PCLO: variants seen among roughly 807,000 people sequenced by gnomAD.
PCLO encodes protein piccolo.
PCLO carries 82 observed loss-of-function variants against 427.5 expected under a neutral mutation model. The observed-to-expected ratio is 0.19, with a 90% CI of 0.16 to 0.23. The LOEUF (loss-of-function observed/expected upper bound fraction) is 0.23, where lower values mean the gene tolerates loss of function less well. Among genes scored for constraint, PCLO ranks in the 10% least tolerant of loss-of-function variants. PCLO has a pLI of 1.00. For synonymous variants in PCLO, 2,357 were observed against 2,155.4 expected (o/e 1.09, Z -2.59); for missense variants, 6,239 against 6,115.9 (o/e 1.02, Z -0.67).
chr7:83,033,327 A>G (rs1021378805), intron 3 of PCLO, among the ~76,000 whole-genome samples: 3 of 152,324 alleles, frequency 2.0e-5, no homozygotes, highest in South Asian at 4.1e-4. Flanking sequence ...TTATCTAAAA[A>G]TGATAGTTAT....
chr7:83,085,124 T>A (rs1790198289), intron 3 of PCLO, among the ~76,000 whole-genome samples: 1 of 152,122 alleles, frequency 6.6e-6, no homozygotes, highest in African/African-American at 2.4e-5. Flanking sequence ...GCACAATTCA[T>A]GCATTACCCA....
At chr7:83,124,348 C>T (rs1234325466) in intron 3 of PCLO, among the ~76,000 whole-genome samples, 4 of 138,798 alleles carry the variant, frequency 2.9e-5, no homozygotes, top group African/African-American at 8.3e-5. Flanking sequence ...AGCGAGACTC[C>T]GTCTCAAAAA....
At chr7:83,051,739 T>G (rs190540323) in intron 3 of PCLO, among the ~76,000 whole-genome samples, 1 of 152,066 alleles carries the variant, frequency 6.6e-6, no homozygotes, top group Non-Finnish European at 1.5e-5. Context: ...TGACCCAGAA[T>G]AGCCATCAGA....
chr7:82,927,132 C>T lies in PCLO; in HGVS notation c.11113-10259G>A, dbSNP rs375292134. Among the ~76,000 whole-genome samples the T allele has an allele frequency of 1.3e-3, 204 of 152,228 alleles. 1 individual carries two copies. Among genetic ancestry groups the T allele is most frequent in the South Asian group, 8.5e-3 (41 of 4,816 alleles). On this transcript the variant is annotated intron_variant, in intron 6 of 24. Transcript: ENST00000333891. ...GCATTCACACTCTAACAAGAGACTG[C>T]TTTAGAAAAAGATGAATTCTTTCGG...
chr7:82,890,428 A>C (rs1360845839), intron 9 of PCLO, among the ~76,000 whole-genome samples: 1 of 151,610 alleles, frequency 6.6e-6, no homozygotes, highest in Non-Finnish European at 1.5e-5. Flanking sequence ...ACTGTACCAC[A>C]GACTTTTCCC....
chr7:83,042,847 G>A (rs962475044), intron 3 of PCLO, among the ~76,000 whole-genome samples: 7 of 152,172 alleles, frequency 4.6e-5, no homozygotes, highest in African/African-American at 1.7e-4. Context: ...GGGCAAGAGT[G>A]AGACTCTGTC....
chr7:83,075,304 T>C (rs545436796), intron 3 of PCLO, among the ~76,000 whole-genome samples: 14 of 152,260 alleles, frequency 9.2e-5, no homozygotes, highest in Admixed American at 4.6e-4. Context: ...TTGATAGATT[T>C]GGATGAGGAG....
intron 3 of PCLO, among the ~76,000 whole-genome samples, chr7:82,966,883 A>G (rs947425592): frequency 6.6e-6 from 1 of 152,262 alleles, no homozygotes; most frequent in East Asian, 1.9e-4. Flanking sequence ...AAAGACTATT[A>G]TATTTCATAA....
At chr7:83,090,170 T>A (rs1209328244) in intron 3 of PCLO, among the ~76,000 whole-genome samples, 1 of 151,966 alleles carries the variant, frequency 6.6e-6, no homozygotes, top group East Asian at 1.9e-4. Flanking sequence ...GGCGTGGTGG[T>A]GCACGCCTGT....
rs758734611 is a variant in PCLO at position 82,951,356 on chromosome 7, C to T, written c.9232G>A (p.Val3078Met). 4.4e-6 allele frequency: 7 copies of T among 1,607,574 alleles called. No individual in the cohort carries two copies. The highest frequency in any genetic ancestry group is 2.2e-5 in the East Asian group (1 of 44,666). ...MTPPPGPQYC[V>M]GSVLRSSNGV... ...TTAGATGACCTCAAAACACTCCCCA[C>T]ACAATACTGGGGTCCTGGTGGTGGT... Residue 3078 changes from valine to methionine, a missense_variant, in exon 6 of 25, where the codon GTG becomes ATG. Physicochemically the swap from Val to Met is conservative, Grantham distance 21. Transcript: ENST00000333891.
At position 83,008,010 on chromosome 7, in the gene PCLO, GGTTA is replaced by G. The variant is rs551818354; in HGVS notation, c.3301-41527_3301-41524del. ...AAACTGTAATTATTACTTAAAGATT[GGTTA>G]GTATGTCATTTTATACTTTTATTTC... On this transcript the variant is annotated intron_variant, in intron 3 of 24. Transcript: ENST00000333891. Among the ~76,000 whole-genome samples, 749 of 151,662 alleles carry G rather than the reference GGTTA, an allele frequency of 4.9e-3. 2 individuals are homozygous for G. Among genetic ancestry groups the G allele is most frequent in the African/African-American group, 0.017 (702 of 41,494 alleles).
intron 3 of PCLO, among the ~76,000 whole-genome samples, chr7:83,103,549 T>A (rs1241956593): frequency 2.6e-5 from 4 of 151,990 alleles, no homozygotes; most frequent in Non-Finnish European, 1.5e-5. Context: ...ATTATGAGTC[T>A]GTCAATTGTC....
At position 82,843,902 on chromosome 7, in the gene PCLO, G is replaced by C. The variant is rs115772943; in HGVS notation, c.14046+1369C>G. Among the ~76,000 whole-genome samples the C allele has an allele frequency of 9.7e-3, 1,480 of 152,052 alleles. 18 individuals are homozygous for C. The highest frequency in any genetic ancestry group is 0.033 in the African/African-American group (1,382 of 41,500). ...GGTGGTCTCGAACTCCTGGTCTCAA[G>C]TGCTCTGCCTCTCCTGGCCTCCCAA... On this transcript the variant is annotated intron_variant, in intron 13 of 24. Transcript: ENST00000333891.
In PCLO at chr7:83,155,607, T is replaced by A. The variant is rs778802050; in HGVS notation, c.1034A>T (p.Gln345Leu). 3.2e-6 allele frequency: 5 copies of A among 1,572,288 alleles called. No homozygotes were observed. Among genetic ancestry groups the A allele is most frequent in the Non-Finnish European group, 4.3e-6 (5 of 1,161,328 alleles). ...GACTGGGGGTTTCACTGTCCCTGGTTGTTGAGCCAATGGCTTTGTTAGCCC... is the reference window on the plus strand; with the variant it reads ...GACTGGGGGTTTCACTGTCCCTGGTAGTTGAGCCAATGGCTTTGTTAGCCC... ...PSGLTKPLAQQPGTVKPPVQP... is the reference protein window; with the variant it reads ...PSGLTKPLAQLPGTVKPPVQP... The change falls in exon 2 of 25, where the codon CAA (glutamine) becomes CTA (leucine). Residue 345 changes from glutamine to leucine, a missense_variant. Around this residue, in one of 5 missense-constraint regions of PCLO, gnomAD observed 4,677 missense variants for 4,468.4 expected, o/e 1.05. Coordinates refer to ENST00000333891, the MANE Select transcript of PCLO (RefSeq NM_033026.6).
intron 10 of PCLO, among the ~76,000 whole-genome samples, chr7:82,847,749 C>T (rs1362660185): frequency 6.6e-6 from 1 of 152,046 alleles, no homozygotes; most frequent in Non-Finnish European, 1.5e-5. Flanking sequence ...AAACAGAATG[C>T]CACTTCGTGT....
chr7:82,835,173 TG>T (rs1732004039), intron 16 of PCLO, among the ~76,000 whole-genome samples: 1 of 152,090 alleles, frequency 6.6e-6, no homozygotes, highest in African/African-American at 2.4e-5. Context: ...CTCGATCTCC[TG>T]ACCTTGTGAT....
At chr7:83,086,448 T>C (rs1275498602) in intron 3 of PCLO, among the ~76,000 whole-genome samples, 1 of 151,930 alleles carries the variant, frequency 6.6e-6, no homozygotes, top group Non-Finnish European at 1.5e-5. Flanking sequence ...GGTGAAAAAC[T>C]TCCTTATTGA....
At chr7:83,107,800 C>A (rs901565279) in intron 3 of PCLO, among the ~76,000 whole-genome samples, 1 of 151,016 alleles carries the variant, frequency 6.6e-6, no homozygotes, top group South Asian at 2.1e-4. Context: ...ACCATCCTGG[C>A]CAACATGGTG....
At chr7:82,773,603 C>A (rs1364819300) in intron 22 of PCLO, among the ~76,000 whole-genome samples, 1 of 152,044 alleles carries the variant, frequency 6.6e-6, no homozygotes, top group African/African-American at 2.4e-5. Context: ...TTCTATAAAA[C>A]CCTTTCTAAA....
Sources: allele counts gnomAD v4.1 joint callset (sites outside exome capture counted in the v4.1 genomes callset), GRCh38; gene constraint gnomAD v4.1.1; regional missense constraint gnomAD v4.1.1; transcripts MANE v1.5; gene names NCBI Gene and HGNC (gene_info 2026-07-23, HGNC 2026-07-21).